NEK4: variants seen among roughly 807,000 people sequenced by gnomAD.
NEK4 encodes serine/threonine-protein kinase Nek4.
In NEK4, 86 loss-of-function variants were observed where a neutral mutation model predicts 98.4. The observed-to-expected ratio is 0.87, with a 90% confidence interval of 0.73 to 1.05. NEK4 has a LOEUF of 1.05. Ranked by LOEUF, NEK4 falls within the 50% of genes least tolerant of loss-of-function variation. The pLI, the probability that NEK4 is intolerant of heterozygous loss-of-function variation, is 0.00. For synonymous variants in NEK4, 328 were observed against 342.2 expected, an observed-to-expected ratio of 0.96 and a Z score of 0.46; for missense variants, 898 against 950.3, an observed-to-expected ratio of 0.94 and a Z score of 0.72.
chr3:52,737,485 C>G (rs1019023309), intron 15 of NEK4, 101 bp downstream of exon 15: 3 of 1,230,534 alleles, frequency 2.4e-6, no homozygotes, highest in Non-Finnish European at 2.4e-6. Context: ...CTGAATTATA[C>G]ACTTTAGATG....
chr3:52,726,358 G>A (rs1412207911), intron 15 of NEK4, among the ~76,000 whole-genome samples: 1 of 152,168 alleles, frequency 6.6e-6, no homozygotes, highest in Non-Finnish European at 1.5e-5. Flanking sequence ...CAGCACTTTA[G>A]GAGGCTGAGG....
At position 52,768,484 on chromosome 3, in the gene NEK4, A is replaced by T. The variant is rs1386559959; in HGVS notation, c.214T>A (p.Trp72Arg). The T allele has an allele frequency of 1.2e-6, 2 of 1,614,188 alleles. No individual in the cohort carries two copies. The highest frequency in any genetic ancestry group is 1.7e-6 in the Non-Finnish European group (2 of 1,180,032). ...HPNIVTYKES[W>R]EGGDGLLYIV... ...TAGAGCAGACCATCTCCTCCTTCCCATGACTCCTTGTAGGTGACAATGTTG... is the reference window on the plus strand; with the variant it reads ...TAGAGCAGACCATCTCCTCCTTCCCTTGACTCCTTGTAGGTGACAATGTTG... Residue 72 changes from tryptophan (W) to arginine (R), a missense_variant, in exon 2 of 16, where the codon TGG becomes AGG. By Grantham distance (101) the Trp-to-Arg change is moderately radical (BLOSUM62 -3). Coordinates refer to ENST00000233027, the MANE Select transcript of NEK4 (RefSeq NM_003157.6).
At chr3:52,733,825 G>A (rs2097372287) in intron 15 of NEK4, 1 of 376,834 alleles carries the variant, frequency 2.7e-6, no homozygotes, top group Admixed American at 3.2e-5. Context: ...GACATTGGAA[G>A]ATTCATACTG....
In NEK4 at chr3:52,770,813, G is replaced by T; in HGVS notation, c.-67C>A. On this transcript the variant is annotated 5_prime_UTR_variant, in exon 1 of 16. Transcript: ENST00000233027. Reference sequence around the variant, plus strand: ...CGGGTAGGGCAGCGGGCGGCAACAAGAAGCTCGGTTCATGCCCGAGAGGGG... The same window carrying T: ...CGGGTAGGGCAGCGGGCGGCAACAATAAGCTCGGTTCATGCCCGAGAGGGG... 7.2e-7 allele frequency: 1 copy of T among 1,397,412 alleles called. No homozygotes were observed. The highest frequency in any genetic ancestry group is 9.8e-7 in the Non-Finnish European group (1 of 1,024,694). 86.6% of individuals were successfully genotyped at this position (1,397,412 alleles called of 1,614,324 possible). A position where few individuals can be genotyped will look rare whatever the true frequency, so the allele number is the denominator to read the frequency against.
intron 6 of NEK4, among the ~76,000 whole-genome samples, chr3:52,757,741 G>C (rs557200750): frequency 2.0e-5 from 3 of 152,170 alleles, no homozygotes; most frequent in Non-Finnish European, 4.4e-5. Context: ...CATTAAAAAG[G>C]AAGGTAATTC....
intron 12 of NEK4, 174 bp downstream of exon 12, chr3:52,743,176 GTC>G (rs2097389625): frequency 1.8e-6 from 1 of 571,070 alleles, no homozygotes; most frequent in South Asian, 2.3e-5. Flanking sequence ...CCCTTAATGG[GTC>G]AATCATAATC....
intron 6 of NEK4, among the ~76,000 whole-genome samples, chr3:52,752,771 A>T (rs1346829071): frequency 6.7e-6 from 1 of 150,036 alleles, no homozygotes; most frequent in Non-Finnish European, 1.5e-5. Context: ...GTGGTGGTGC[A>T]TGTCTGTAGT....
chr3:52,742,939 G>A (rs1204209378), intron 12 of NEK4, among the ~76,000 whole-genome samples: 3 of 152,022 alleles, frequency 2.0e-5, no homozygotes, highest in African/African-American at 4.8e-5. Context: ...ACAGGTGTGC[G>A]CCACCTTGCC....
intron 15 of NEK4, among the ~76,000 whole-genome samples, chr3:52,714,089 A>T (rs867770523): frequency 6.6e-6 from 1 of 152,154 alleles, no homozygotes; most frequent in African/African-American, 2.4e-5. Flanking sequence ...ACAAAAAATT[A>T]GCCAGGTGTG....
intron 15 of NEK4, chr3:52,733,287 G>A (rs960106016): frequency 6.1e-6 from 2 of 325,676 alleles, no homozygotes; most frequent in Non-Finnish European, 1.2e-5. Flanking sequence ...TACAAACGTA[G>A]TGACTGTCAC....
Position 52,746,395 on chromosome 3 carries a change from A to T in NEK4, c.1678-185T>A, listed in dbSNP as rs112042270. Among the ~76,000 whole-genome samples, 8 of 152,320 alleles carry T rather than the reference A, an allele frequency of 5.3e-5. 1 individual carries two copies. The highest frequency in any genetic ancestry group is 2.1e-4 in the South Asian group (1 of 4,824). On this transcript the variant is annotated intron_variant, in intron 9 of 15. Coordinates refer to ENST00000233027, the MANE Select transcript of NEK4 (RefSeq NM_003157.6). ...AAGGTTATGGAGAGGATACGTGTTG[A>T]AGTTATTTCTAGAAATGAGATGTCA...
chr3:52,727,544 C>T (rs191122073), intron 15 of NEK4, among the ~76,000 whole-genome samples: 93 of 152,292 alleles, frequency 6.1e-4, no homozygotes, highest in African/African-American at 2.1e-3. Flanking sequence ...AGTGTGACCT[C>T]GGCTCACTCC....
intron 5 of NEK4, among the ~76,000 whole-genome samples, chr3:52,761,288 T>A (rs1294174104): frequency 2.6e-5 from 4 of 152,196 alleles, no homozygotes; most frequent in Admixed American, 6.5e-5. Context: ...TTTCTTTTTT[T>A]AAAAAATTGA....
intron 15 of NEK4, among the ~76,000 whole-genome samples, chr3:52,713,561 G>A (rs1200759546): frequency 1.3e-5 from 2 of 152,240 alleles, no homozygotes; most frequent in East Asian, 1.9e-4. Context: ...TTGGGAGGCC[G>A]AGGCAGGCGG....
rs2097346831 is a variant in NEK4, at chr3:52,708,533, TA to T, written c.*3243del. On this transcript the variant is annotated 3_prime_UTR_variant, in exon 16 of 16. Coordinates refer to ENST00000233027, the MANE Select transcript of NEK4 (RefSeq NM_003157.6). Reference sequence around the variant, plus strand: ...CGTCTATTTAATTAAAATTAAAATATAAAACTCTAAAACTAGCCATGATTCA... The same window carrying T: ...CGTCTATTTAATTAAAATTAAAATATAAACTCTAAAACTAGCCATGATTCA... 1 of 152,200 alleles carries T rather than the reference TA, an allele frequency of 6.6e-6. No homozygotes were observed. The highest frequency in any genetic ancestry group is 2.1e-4 in the South Asian group (1 of 4,824). The allele number at this position is 152,200 out of a possible 1,614,324, so 9.4% of individuals were successfully genotyped here.
At chr3:52,753,329 A>G (rs1359372431) in intron 6 of NEK4, among the ~76,000 whole-genome samples, 1 of 152,168 alleles carries the variant, frequency 6.6e-6, no homozygotes, top group Non-Finnish European at 1.5e-5. Flanking sequence ...AAGCCAGGAC[A>G]GGGCAGGGAG....
At chr3:52,737,540 A>C in intron 15 of NEK4, 46 bp downstream of exon 15, 1 of 1,601,650 alleles carries the variant, frequency 6.2e-7, no homozygotes, top group South Asian at 1.1e-5. Flanking sequence ...GTTGTTTAAA[A>C]AATTCTATAA....
In NEK4 at chr3:52,770,891, C is replaced by G. The variant is rs1235302036; in HGVS notation, c.-145G>C. On this transcript the variant is annotated 5_prime_UTR_variant, in exon 1 of 16. Coordinates refer to ENST00000233027, the MANE Select transcript of NEK4 (RefSeq NM_003157.6). Reference sequence around the variant, plus strand: ...GGGCCCGGGCGGGATTGCTGGGGCCCGGCCCGCGACGACGCCGCTGCCATA... The same window carrying G: ...GGGCCCGGGCGGGATTGCTGGGGCCGGGCCCGCGACGACGCCGCTGCCATA... The G allele has an allele frequency of 1.8e-5, 12 of 659,358 alleles. No homozygotes were observed. The highest frequency in any genetic ancestry group is 3.1e-5 in the Non-Finnish European group (12 of 389,148). 40.8% of individuals were successfully genotyped at this position (659,358 alleles called of 1,614,324 possible).
In NEK4 at chr3:52,751,931, C is replaced by T. The variant is rs766711527; in HGVS notation, c.1368+1G>A. On this transcript the variant is annotated splice_donor_variant, in intron 7 of 15. Transcript: ENST00000233027. LOFTEE classifies it high-confidence loss of function. ...GTATCTCATGTGTGCATATCACTCA[C>T]CTGGTCCTTTGGCTTTTGTTCTTTG... The T allele has an allele frequency of 6.2e-7, 1 of 1,612,062 alleles. No homozygotes were observed. The highest frequency in any genetic ancestry group is 1.7e-5 in the Admixed American group (1 of 59,928).
Sources: gnomAD v4.1 joint callset for allele counts (sites outside exome capture counted in the v4.1 genomes callset) on GRCh38, gnomAD v4.1.1 for gene constraint, MANE v1.5 for transcripts, NCBI Gene and HGNC (gene_info 2026-07-23, HGNC 2026-07-21) for gene names.